Variants in ATXN7L1 observed in about 807,000 individuals in gnomAD.
The protein encoded by ATXN7L1 is ataxin-7-like protein 1.
In ATXN7L1, 15 loss-of-function variants were observed where a neutral mutation model predicts 70.8. The observed-to-expected ratio is 0.21, with a 90% CI of 0.14 to 0.33. The LOEUF (loss-of-function observed/expected upper bound fraction) is 0.33. Among genes scored for constraint, ATXN7L1 ranks in the 10% least tolerant of loss-of-function variants. The probability of loss-of-function intolerance (pLI) is 1.00; values close to 1 mark genes in which losing one functional copy is unlikely to be tolerated. For synonymous variants in ATXN7L1, 440 were observed against 445.1 expected (o/e 0.99, Z 0.14); for missense variants, 975 against 1,097.1 (o/e 0.89, Z 1.57).
At chr7:105,761,655 A>G (rs749459196) in intron 3 of ATXN7L1, among the ~76,000 whole-genome samples, 1 of 152,134 alleles carries the variant, frequency 6.6e-6, no homozygotes, top group Non-Finnish European at 1.5e-5. Context: ...TACTTCCTCT[A>G]AACTCTTTTC....
At chr7:105,741,137 C>T (rs113144480) in intron 3 of ATXN7L1, among the ~76,000 whole-genome samples, 6 of 152,236 alleles carry the variant, frequency 3.9e-5, no homozygotes, top group South Asian at 2.1e-4. Flanking sequence ...CAAGTTCACG[C>T]GGCTGGGCTG....
intron 3 of ATXN7L1, among the ~76,000 whole-genome samples, chr7:105,721,448 G>T (rs746189616): frequency 5.3e-5 from 8 of 152,194 alleles, no homozygotes; most frequent in Admixed American, 5.2e-4. Context: ...ACTAATCACG[G>T]TGTTCTGAGG....
chr7:105,781,983 A>G (rs553351549), intron 3 of ATXN7L1, among the ~76,000 whole-genome samples: 1 of 152,194 alleles, frequency 6.6e-6, no homozygotes, highest in Admixed American at 6.5e-5. Context: ...GGAGCACAAC[A>G]CTACGCCTGG....
rs1793514702 is a variant in ATXN7L1 at position 105,614,320 on chromosome 7, C to T, written c.2014G>A (p.Gly672Arg). The T allele has an allele frequency of 1.3e-6, 2 of 1,552,226 alleles. No individual in the cohort carries two copies. Among genetic ancestry groups the T allele is most frequent in the Non-Finnish European group, 1.7e-6 (2 of 1,147,128 alleles). ...LQTSLSSPLSGPHKKNCVLNA... is the reference protein window; with the variant it reads ...LQTSLSSPLSRPHKKNCVLNA... ...AAAACACAGTTCTTTTTGTGAGGCC[C>T]TGACAGTGGAGACGAGAGGGATGTC... Residue 672 changes from glycine (G) to arginine (R), a missense_variant, in exon 10 of 12, where the codon GGG becomes AGG. By Grantham distance (125) the Gly-to-Arg change is moderately radical. Coordinates refer to ENST00000419735, the MANE Select transcript of ATXN7L1 (RefSeq NM_020725.2). This position sits in a 1 kb window ranked among gnomAD's most constrained non-coding sequence, Gnocchi z 4.3.
chr7:105,706,623 C>T (rs545058665), intron 3 of ATXN7L1, among the ~76,000 whole-genome samples: 1 of 152,326 alleles, frequency 6.6e-6, no homozygotes, highest in South Asian at 2.1e-4. Flanking sequence ...CCTTTGTGGC[C>T]AGTTCTCCAT....
At chr7:105,734,636 GTT>G (rs59456850) in intron 3 of ATXN7L1, among the ~76,000 whole-genome samples, 20 of 141,898 alleles carry the variant, frequency 1.4e-4, no homozygotes, top group Non-Finnish European at 1.9e-4. Context: ...CTCCTTTCAT[GTT>G]TTTTTTTTTT....
At chr7:105,850,836 C>T (rs148057640) in intron 2 of ATXN7L1, among the ~76,000 whole-genome samples, 3,780 of 152,290 alleles carry the variant, frequency 0.025, 69 homozygotes, top group Middle Eastern at 0.037. Flanking sequence ...GGTGTGTAGG[C>T]TGAGCTGGAG....
intron 2 of ATXN7L1, among the ~76,000 whole-genome samples, chr7:105,813,151 T>A (rs564142261): frequency 3.9e-5 from 6 of 152,328 alleles, no homozygotes; most frequent in Middle Eastern, 3.4e-3. Context: ...CTTTTCCACA[T>A]ACATTTCATG....
intron 3 of ATXN7L1, among the ~76,000 whole-genome samples, chr7:105,729,103 T>A (rs1796229910): frequency 6.6e-6 from 1 of 151,828 alleles, no homozygotes; most frequent in African/African-American, 2.4e-5. Flanking sequence ...TCTCTACAAA[T>A]AATAATAATT....
intron 3 of ATXN7L1, among the ~76,000 whole-genome samples, chr7:105,689,234 G>T (rs1026512824): frequency 2.0e-5 from 3 of 152,176 alleles, no homozygotes; most frequent in African/African-American, 7.2e-5. Context: ...GATCAATTAA[G>T]TTTAAACAGC....
intron 3 of ATXN7L1, among the ~76,000 whole-genome samples, chr7:105,785,424 C>T (rs926200749): frequency 6.6e-6 from 1 of 152,090 alleles, no homozygotes; most frequent in African/African-American, 2.4e-5. Flanking sequence ...TGAGATTATA[C>T]CACTGCACTA....
At chr7:105,845,204 CAAAAAAAAAAA>C (rs3057532) in intron 2 of ATXN7L1, among the ~76,000 whole-genome samples, 3 of 62,990 alleles carry the variant, frequency 4.8e-5, no homozygotes, top group African/African-American at 1.4e-4. Context: ...AACTCTGTCT[CAAAAAAAAAAA>C]AAAAAAAAAA....
intron 2 of ATXN7L1, among the ~76,000 whole-genome samples, chr7:105,846,353 C>G (rs1814039638): frequency 6.6e-6 from 1 of 151,920 alleles, no homozygotes; most frequent in South Asian, 2.1e-4. Context: ...TGCCATCAAG[C>G]ACATTAAAAG....
chr7:105,679,181 C>T, intron 3 of ATXN7L1: 1 of 974,716 alleles, frequency 1.0e-6, no homozygotes, highest in Non-Finnish European at 1.2e-6. Flanking sequence ...ACCACTTCCC[C>T]TTTAAGAGAG....
rs895058870 is a variant in ATXN7L1, at chr7:105,607,544, C to T, written c.*308G>A. On this transcript the variant is annotated 3_prime_UTR_variant, in exon 12 of 12. Coordinates refer to ENST00000419735, the MANE Select transcript of ATXN7L1 (RefSeq NM_020725.2). ...TCATGGCTGGAGCAAAAGGATGGTA[C>T]AGTAGCAGCATCAGGAGCTAGGGGA... is the stretch of plus-strand genomic sequence containing the variant. The T allele has an allele frequency of 9.3e-6, 4 of 428,324 alleles. No individual in the cohort carries two copies. Among genetic ancestry groups the T allele is most frequent in the Non-Finnish European group, 1.7e-5 (4 of 235,664 alleles). The allele number at this position is 428,324 out of a possible 1,614,324, so 26.5% of individuals were successfully genotyped here.
In ATXN7L1 at chr7:105,614,651, G is replaced by A; in HGVS notation, c.1683C>T (p.Ala561=). 6.4e-7 allele frequency: 1 copy of A among 1,551,768 alleles called. No individual in the cohort carries two copies. Among genetic ancestry groups the A allele is most frequent in the Non-Finnish European group, 8.7e-7 (1 of 1,147,022 alleles). ...TCACGAAAGCTGCGTTTGAGAGCAT[G>A]GCTGATGTCATTATGTAAGAAGAGG... ...RLTSSYIMTS[A]MLSNAAFVTS... The change falls in exon 10 of 12, where the codon GCC becomes GCT. Residue 561 remains alanine (A), a synonymous_variant. Transcript: ENST00000419735. The surrounding 1 kb of genome is among the most constrained non-coding windows in gnomAD (Gnocchi z 4.3).
Position 105,638,435 on chromosome 7 carries a change from G to T in ATXN7L1, c.1120C>A (p.Leu374Ile), listed in dbSNP as rs765755744. Residue 374 changes from leucine to isoleucine, a missense_variant, in exon 7 of 12, where the codon CTA (leucine) becomes ATA (isoleucine). Transcript: ENST00000419735. ...SQSGPAQDSL[L>I]GSSGSSGPEP... is the part of the protein sequence containing the mutation. ...GGCCCAGAGCTCCCTGAAGACCCTA[G>T]CAGAGAATCCTGTGCCGGCCCGGAT... 1 of 1,552,222 alleles carries T rather than the reference G, an allele frequency of 6.4e-7. No homozygotes were observed. The highest frequency in any genetic ancestry group is 2.0e-5 in the Admixed American group (1 of 50,990).
At chr7:105,628,903 CA>C (rs1796160152) in intron 7 of ATXN7L1, among the ~76,000 whole-genome samples, 1 of 150,824 alleles carries the variant, frequency 6.6e-6, no homozygotes, top group Non-Finnish European at 1.5e-5. Context: ...ATGATTACCA[CA>C]AGTTAGCTAA....
At chr7:105,791,940 G>A (rs1281781624) in intron 2 of ATXN7L1, among the ~76,000 whole-genome samples, 2 of 152,182 alleles carry the variant, frequency 1.3e-5, no homozygotes, top group Non-Finnish European at 2.9e-5. Flanking sequence ...AGAAACTGCC[G>A]AGTGCTGGGA....
Sources: allele counts gnomAD v4.1 joint callset (sites outside exome capture counted in the v4.1 genomes callset), GRCh38; gene constraint gnomAD v4.1.1; non-coding constraint Gnocchi (gnomAD v3.1); transcripts MANE v1.5; gene names NCBI Gene and HGNC (gene_info 2026-07-23, HGNC 2026-07-21).